The following EYS variants were observed in gnomAD, a reference collection of about 807,000 sequenced individuals.
The protein encoded by EYS is EGF-like photoreceptor maintenance factor.
EYS carries 250 observed loss-of-function variants against 282.1 expected under a neutral mutation model. That is an observed-to-expected ratio of 0.89 (90% CI 0.80 to 0.98). The LOEUF (loss-of-function observed/expected upper bound fraction) is 0.98. Ranked by LOEUF, EYS falls within the 50% of genes least tolerant of loss-of-function variation. The pLI, the probability that EYS is intolerant of heterozygous loss-of-function variation, is 0.00. For missense variants in EYS, 4,016 were observed against 3,709.0 expected, an observed-to-expected ratio of 1.08 and a Z score of -2.15; for synonymous variants, 1,355 against 1,282.9, an observed-to-expected ratio of 1.06 and a Z score of -1.20.
intron 2 of EYS, among the ~76,000 whole-genome samples, chr6:65,521,136 T>C (rs1159924899): frequency 6.6e-6 from 1 of 152,186 alleles, no homozygotes; most frequent in East Asian, 1.9e-4. Context: ...TATCAATTTT[T>C]ATTCTCACAT....
At chr6:64,465,160 A>G (rs1775876706) in intron 26 of EYS, among the ~76,000 whole-genome samples, 2 of 152,094 alleles carry the variant, frequency 1.3e-5, no homozygotes, top group Admixed American at 1.3e-4. Context: ...TTTGAAGAGT[A>G]AACATTGTTT....
intron 5 of EYS, among the ~76,000 whole-genome samples, chr6:65,425,623 ACTT>A (rs1200206806): frequency 3.3e-5 from 5 of 152,088 alleles, no homozygotes; most frequent in South Asian, 2.1e-4. Context: ...GTTGGATTTG[ACTT>A]CTTCTTATGA....
At chr6:64,217,086 T>C (rs1765952621) in intron 31 of EYS, among the ~76,000 whole-genome samples, 1 of 152,168 alleles carries the variant, frequency 6.6e-6, no homozygotes, top group African/African-American at 2.4e-5. Flanking sequence ...AAAATATATG[T>C]GTTGTAGAAT....
At chr6:64,070,880 T>C (rs1377849753) in intron 32 of EYS, among the ~76,000 whole-genome samples, 1 of 152,052 alleles carries the variant, frequency 6.6e-6, no homozygotes, top group African/African-American at 2.4e-5. Context: ...AATAATTTTA[T>C]TCATTATGAC....
At chr6:64,425,523 GT>G (rs1229828848) in intron 28 of EYS, among the ~76,000 whole-genome samples, 3 of 151,894 alleles carry the variant, frequency 2.0e-5, no homozygotes, top group Non-Finnish European at 4.4e-5. Flanking sequence ...GTGTGGTGGT[GT>G]CTGCCTGTAA....
chr6:63,833,830 C>A (rs539929567), intron 36 of EYS, among the ~76,000 whole-genome samples: 7 of 152,118 alleles, frequency 4.6e-5, no homozygotes, highest in Non-Finnish European at 1.0e-4. Context: ...CTACAGTAAC[C>A]AAAACAGCAT....
At chr6:65,114,462 A>AT (rs5876942) in intron 12 of EYS, among the ~76,000 whole-genome samples, 21 of 148,540 alleles carry the variant, frequency 1.4e-4, no homozygotes, top group Middle Eastern at 7.1e-3. Context: ...TTCCAAACTA[A>AT]TTTTTTTTTT....
chr6:63,915,543 C>A (rs1220608819), intron 35 of EYS, among the ~76,000 whole-genome samples: 1 of 152,164 alleles, frequency 6.6e-6, no homozygotes, highest in Non-Finnish European at 1.5e-5. Context: ...TATTATTTAA[C>A]AAATGTATTT....
At chr6:64,343,282 T>G (rs1207752723) in intron 29 of EYS, among the ~76,000 whole-genome samples, 5 of 151,528 alleles carry the variant, frequency 3.3e-5, no homozygotes, top group Non-Finnish European at 5.9e-5. Flanking sequence ...CCACACCTAT[T>G]CCAAAATTGA....
chr6:64,418,656 A>C (rs1774134123), intron 28 of EYS, among the ~76,000 whole-genome samples: 1 of 152,200 alleles, frequency 6.6e-6, no homozygotes, highest in Admixed American at 6.5e-5. Flanking sequence ...GGGGACTAGA[A>C]ATGTAAATTA....
rs145904217 is a variant in EYS, at chr6:64,213,970, A to G, written c.6424+16622T>C. Among the ~76,000 whole-genome samples the G allele has an allele frequency of 3.8e-3, 571 of 152,218 alleles. 2 individuals carry two copies. The highest frequency in any genetic ancestry group is 0.012 in the African/African-American group (517 of 41,556). ...CATTCATCATTTTGAGCAATTCTCA[A>G]TGTTGGCTATTTTCAAGTGATTACA... On this transcript the variant is annotated intron_variant, in intron 31 of 42. Transcript: ENST00000503581.
chr6:64,958,760 A>G (rs959757251), intron 14 of EYS, among the ~76,000 whole-genome samples: 5 of 148,798 alleles, frequency 3.4e-5, no homozygotes, highest in African/African-American at 9.8e-5. Context: ...AAAAAAAAAA[A>G]AAAGAAACAA....
chr6:64,187,579 G>A (rs180734347), intron 31 of EYS, among the ~76,000 whole-genome samples: 2 of 152,156 alleles, frequency 1.3e-5, no homozygotes, highest in African/African-American at 4.8e-5. Context: ...TTAATGTCCA[G>A]CTATACAGTT....
chr6:65,362,130 T>G (rs1764734835), intron 8 of EYS, among the ~76,000 whole-genome samples: 1 of 152,120 alleles, frequency 6.6e-6, no homozygotes, highest in African/African-American at 2.4e-5. Context: ...GCTACCTAAT[T>G]CATCACCAAG....
At chr6:65,463,503 C>T (rs78033383) in intron 5 of EYS, among the ~76,000 whole-genome samples, 2,362 of 152,076 alleles carry the variant, frequency 0.016, 31 homozygotes, top group Non-Finnish European at 0.027. Flanking sequence ...ATTTATATTT[C>T]CAAGTACCTA....
At chr6:65,692,718 G>GGA (rs1220266412) in intron 1 of EYS, among the ~76,000 whole-genome samples, 22 of 149,814 alleles carry the variant, frequency 1.5e-4, no homozygotes, top group Middle Eastern at 3.2e-3. Flanking sequence ...TTATAAACAT[G>GGA]TAGAACTATC....
At chr6:65,615,650 C>A (rs1019281000) in intron 2 of EYS, among the ~76,000 whole-genome samples, 2 of 151,962 alleles carry the variant, frequency 1.3e-5, no homozygotes, top group African/African-American at 2.4e-5. Context: ...AAAAAAAGTT[C>A]TCAGCCAGGT....
Position 64,650,418 on chromosome 6 carries a change from G to A in EYS, c.3444-24173C>T, listed in dbSNP as rs1244863930. 3.9e-5 allele frequency among the ~76,000 whole-genome samples: 6 copies of A among 151,920 alleles called. No individual in the cohort carries two copies. In the South Asian group the frequency reaches 1.2e-3, roughly 31 times the overall value. Reference sequence around the variant, plus strand: ...ACAATGAGTAGAAAACTTTTAGCCAGTGTGACTAAAAACAAAGAGAAACCC... The same window carrying A: ...ACAATGAGTAGAAAACTTTTAGCCAATGTGACTAAAAACAAAGAGAAACCC... On this transcript the variant is annotated intron_variant, in intron 22 of 42. Coordinates refer to ENST00000503581, the MANE Select transcript of EYS (RefSeq NM_001142800.2).
At chr6:64,546,500 C>A (rs1437277794) in intron 26 of EYS, among the ~76,000 whole-genome samples, 6 of 152,138 alleles carry the variant, frequency 3.9e-5, no homozygotes, top group Non-Finnish European at 8.8e-5. Flanking sequence ...GCAATGACAA[C>A]AAAAGCCAAA....
Sources: allele counts gnomAD v4.1 joint callset (sites outside exome capture counted in the v4.1 genomes callset), GRCh38; gene constraint gnomAD v4.1.1; transcripts MANE v1.5; gene names NCBI Gene and HGNC (gene_info 2026-07-23, HGNC 2026-07-21).